FOXJ3: variants seen among roughly 807,000 people sequenced by gnomAD.
FOXJ3 encodes forkhead box protein J3.
A neutral mutation model predicts 76.1 loss-of-function variants in FOXJ3; 22 were observed. The ratio of observed to expected loss-of-function variants is 0.29; its 90% CI spans 0.21 to 0.41. The LOEUF is 0.41. FOXJ3 is among the 10% of genes least tolerant of loss of function. The pLI is 1.00. For synonymous variants in FOXJ3, 269 were observed against 261.2 expected, an observed-to-expected ratio of 1.03 and a Z score of -0.29; for missense variants, 613 against 762.1, an observed-to-expected ratio of 0.80 and a Z score of 2.30.
intron 7 of FOXJ3, 127 bp from the exon 8 acceptor site, chr1:42,195,191 G>GC: frequency 1.5e-6 from 1 of 649,654 alleles, no homozygotes; most frequent in South Asian, 3.0e-5. Flanking sequence ...TCTGTCTTAG[G>GC]CTTTCCCATC....
chr1:42,237,405 C>CATATATATATATAT (rs60560055), intron 4 of FOXJ3, among the ~76,000 whole-genome samples: 278 of 140,732 alleles, frequency 2.0e-3, no homozygotes, highest in Middle Eastern at 0.011. Context: ...TACATACATA[C>CATATATATATATAT]ATATATATAT....
At chr1:42,315,414 T>C (rs1158410281) in intron 1 of FOXJ3, 26 of 985,074 alleles carry the variant, frequency 2.6e-5, no homozygotes, top group Non-Finnish European at 3.1e-5. Flanking sequence ...TATTTCTCAA[T>C]CAGCTCAAAA....
At chr1:42,276,229 G>A (rs1217361297) in intron 3 of FOXJ3, among the ~76,000 whole-genome samples, 3 of 151,962 alleles carry the variant, frequency 2.0e-5, no homozygotes, top group South Asian at 2.1e-4. Context: ...AGTGGTGGGC[G>A]CCTGTAATCC....
intron 8 of FOXJ3, 76 bp downstream of exon 8, chr1:42,194,814 C>A (rs1298946428): frequency 1.1e-6 from 1 of 907,498 alleles, no homozygotes; most frequent in Non-Finnish European, 1.7e-6. Flanking sequence ...AAGAGTATAA[C>A]AGCTGCCATG....
At position 42,250,754 on chromosome 1, in the gene FOXJ3, C is replaced by T. The variant is rs114927618; in HGVS notation, c.444+14361G>A. On this transcript the variant is annotated intron_variant, in intron 4 of 12. Transcript: ENST00000361346. ...GAGGTTGCAGTGAGCAGAGAAATCACGCCATTGCACTCCAGCCTGAGCAAC... is the reference window on the plus strand; with the variant it reads ...GAGGTTGCAGTGAGCAGAGAAATCATGCCATTGCACTCCAGCCTGAGCAAC... 6.7e-3 allele frequency among the ~76,000 whole-genome samples: 973 copies of T among 146,174 alleles called. 18 individuals carry two copies. Among genetic ancestry groups the T allele is most frequent in the African/African-American group, 0.024 (937 of 39,060 alleles).
chr1:42,308,806 C>T (rs1334284791), intron 2 of FOXJ3, among the ~76,000 whole-genome samples: 1 of 152,028 alleles, frequency 6.6e-6, no homozygotes, highest in Non-Finnish European at 1.5e-5. Context: ...ACAAAAGTTA[C>T]ACACATATTA....
intron 2 of FOXJ3, chr1:42,280,195 G>T: frequency 5.3e-6 from 2 of 376,112 alleles, no homozygotes; most frequent in Non-Finnish European, 7.3e-6. Context: ...TATTAGTCTA[G>T]GAGTATCTTG....
chr1:42,190,754 A>G (rs1446360957), intron 9 of FOXJ3, among the ~76,000 whole-genome samples: 1 of 152,216 alleles, frequency 6.6e-6, no homozygotes, highest in Non-Finnish European at 1.5e-5. Flanking sequence ...GTTGTGGGTA[A>G]GAGGAAGAGG....
Position 42,276,658 on chromosome 1 carries a change from G to A in FOXJ3, c.369+1690C>T, listed in dbSNP as rs1232278982. 5.3e-5 allele frequency among the ~76,000 whole-genome samples: 8 copies of A among 152,236 alleles called. No homozygotes were observed. In the South Asian group the frequency reaches 1.5e-3, roughly 28 times the overall value. ...AACCTATCAAAGTTGAGGACTTACT[G>A]TATTTGCATATGCTCAAAGCATCCC... On this transcript the variant is annotated intron_variant, in intron 3 of 12. Transcript: ENST00000361346.
At chr1:42,329,635 T>C (rs2455080) in intron 1 of FOXJ3, among the ~76,000 whole-genome samples, 33,246 of 152,100 alleles carry the variant, frequency 0.22, 4,375 homozygotes, top group African/African-American at 0.36. Flanking sequence ...GAAAGCTAAG[T>C]GACTAACAAA....
At chr1:42,248,207 A>G (rs1445022065) in intron 4 of FOXJ3, among the ~76,000 whole-genome samples, 3 of 152,192 alleles carry the variant, frequency 2.0e-5, no homozygotes, top group Admixed American at 1.3e-4. Context: ...ACAACTTTGC[A>G]ATTATAATAA....
In FOXJ3 at chr1:42,226,291, C is replaced by T. The variant is rs113848491; in HGVS notation, c.528+1592G>A. ...TCGTTCCTTCTCAAATGATAACATA[C>T]TGAGCTTATCAACATCTCTTGTAAA... On this transcript the variant is annotated intron_variant, in intron 5 of 12. Coordinates refer to ENST00000361346, the MANE Select transcript of FOXJ3 (RefSeq NM_014947.5). Among the ~76,000 whole-genome samples the T allele has an allele frequency of 2.0e-4, 31 of 151,984 alleles. 1 individual carries two copies. The highest frequency in any genetic ancestry group is 6.5e-4 in the African/African-American group (27 of 41,478).
intron 3 of FOXJ3, among the ~76,000 whole-genome samples, chr1:42,267,151 G>A (rs1169050588): frequency 1.3e-5 from 2 of 152,044 alleles, no homozygotes; most frequent in African/African-American, 4.8e-5. Context: ...CCCTAAGTTC[G>A]AGGGTCTGCA....
Position 42,189,298 on chromosome 1 carries a change from C to T in FOXJ3, c.1453+5G>A. On this transcript the variant is annotated splice_donor_5th_base_variant and intron_variant, in intron 10 of 12. Transcript: ENST00000361346. The stretch of plus-strand genomic sequence containing the variant: ...GGTTATATGTCAAAAAGAACCAACA[C>T]TCACCTTGAAACTGTGAAAGGTCTA... The T allele has an allele frequency of 6.3e-7, 1 of 1,589,184 alleles. No homozygotes were observed. The highest frequency in any genetic ancestry group is 8.6e-7 in the Non-Finnish European group (1 of 1,157,598).
intron 2 of FOXJ3, among the ~76,000 whole-genome samples, chr1:42,282,940 T>C (rs1652819944): frequency 6.6e-6 from 1 of 152,158 alleles, no homozygotes; most frequent in Non-Finnish European, 1.5e-5. Flanking sequence ...ATAGTAACTA[T>C]CCAATGAAGG....
chr1:42,297,971 C>G (rs1434941347), intron 2 of FOXJ3, among the ~76,000 whole-genome samples: 7 of 152,076 alleles, frequency 4.6e-5, no homozygotes, highest in African/African-American at 1.4e-4. Context: ...TTGGCTGTGT[C>G]CCTACCCAAA....
At chr1:42,314,733 G>A (rs1655009757) in intron 1 of FOXJ3, among the ~76,000 whole-genome samples, 1 of 152,110 alleles carries the variant, frequency 6.6e-6, no homozygotes, top group African/African-American at 2.4e-5. Flanking sequence ...CTACAATATA[G>A]GTTTTATCAA....
chr1:42,205,970 G>T, intron 5 of FOXJ3, 107 bp from the exon 6 acceptor site: 1 of 638,134 alleles, frequency 1.6e-6, no homozygotes, highest in Non-Finnish European at 2.7e-6. Context: ...TTTGTGCTTT[G>T]TTTCTGAAAA....
At chr1:42,252,731 T>C (rs951849215) in intron 4 of FOXJ3, among the ~76,000 whole-genome samples, 6 of 152,134 alleles carry the variant, frequency 3.9e-5, no homozygotes, top group Non-Finnish European at 8.8e-5. Context: ...GGTGTCAATT[T>C]TGGATCTTTC....
Sources: allele counts gnomAD v4.1 joint callset (sites outside exome capture counted in the v4.1 genomes callset), GRCh38; gene constraint gnomAD v4.1.1; transcripts MANE v1.5; gene names NCBI Gene and HGNC (gene_info 2026-07-23, HGNC 2026-07-21).